Variants in LUC7L3 observed in about 807,000 individuals in gnomAD.
LUC7L3 encodes the protein luc7-like protein 3.
In LUC7L3, 6 loss-of-function variants were observed where a neutral mutation model predicts 66.8. That is an observed-to-expected ratio of 0.09 (90% CI 0.05 to 0.18). The LOEUF (loss-of-function observed/expected upper bound fraction) is 0.18, where lower values mean the gene tolerates loss of function less well. Among genes scored for constraint, LUC7L3 ranks in the 10% least tolerant of loss-of-function variants. The probability of loss-of-function intolerance (pLI) is 1.00; values close to 1 mark genes in which losing one functional copy is unlikely to be tolerated. For synonymous variants in LUC7L3, 160 were observed against 174.7 expected, an observed-to-expected ratio of 0.92 and a Z score of 0.66; for missense variants, 341 against 531.1, an observed-to-expected ratio of 0.64 and a Z score of 3.52.
intron 1 of LUC7L3, among the ~76,000 whole-genome samples, chr17:50,727,720 C>A (rs777442226): frequency 2.6e-5 from 4 of 152,142 alleles, no homozygotes; most frequent in Non-Finnish European, 5.9e-5. Flanking sequence ...GGAGAAAAAT[C>A]GGTGAATTTG....
In LUC7L3 at chr17:50,751,033, T is replaced by G; in HGVS notation, c.*372T>G. The G allele has an allele frequency of 6.9e-7, 1 of 1,442,188 alleles. No individual in the cohort carries two copies. Among genetic ancestry groups the G allele is most frequent in the Non-Finnish European group, 9.0e-7 (1 of 1,105,466 alleles). 89.3% of individuals were successfully genotyped at this position (1,442,188 alleles called of 1,614,324 possible). A position where few individuals can be genotyped will look rare whatever the true frequency, so the allele number is the denominator to read the frequency against. On this transcript the variant is annotated 3_prime_UTR_variant, in exon 10 of 10. Coordinates refer to ENST00000505658, the MANE Select transcript of LUC7L3 (RefSeq NM_016424.5). ...TAAAAAGGTTGAACTGTTTTTTTTT[T>G]TCTTTTTGGTATTAAGTCCATCTTG...
At chr17:50,726,952 T>C (rs1488041099) in intron 1 of LUC7L3, among the ~76,000 whole-genome samples, 1 of 151,894 alleles carries the variant, frequency 6.6e-6, no homozygotes, top group South Asian at 2.1e-4. Flanking sequence ...AGCCAGGCGT[T>C]GTGGCCGGTG....
At chr17:50,736,032 C>T (rs1761103077) in intron 1 of LUC7L3, among the ~76,000 whole-genome samples, 1 of 152,194 alleles carries the variant, frequency 6.6e-6, no homozygotes, top group African/African-American at 2.4e-5. Context: ...ACTTTGGAGA[C>T]TGAGGCAGAA....
chr17:50,749,266 A>C, intron 9 of LUC7L3: 2 of 1,289,274 alleles, frequency 1.6e-6, no homozygotes, highest in South Asian at 2.5e-5. Flanking sequence ...CTACGGGACA[A>C]CAAGACGACT....
chr17:50,720,129 CG>C (rs1230084114), intron 1 of LUC7L3, among the ~76,000 whole-genome samples: 2 of 152,188 alleles, frequency 1.3e-5, no homozygotes, highest in Non-Finnish European at 2.9e-5. Flanking sequence ...TTAAATCTAG[CG>C]GCTCCGAGGT....
chr17:50,730,347 C>T (rs1969505572), intron 1 of LUC7L3, among the ~76,000 whole-genome samples: 1 of 151,090 alleles, frequency 6.6e-6, no homozygotes, highest in Non-Finnish European at 1.5e-5. Context: ...ATGGTAAAAC[C>T]CCATCTCTAC....
In LUC7L3 at chr17:50,744,758, T is replaced by C. The variant is rs1970561561; in HGVS notation, c.638T>C (p.Met213Thr). 6.2e-7 allele frequency: 1 copy of C among 1,614,054 alleles called. No individual in the cohort carries two copies. The change falls in exon 7 of 10, where the codon ATG (methionine) becomes ACG (threonine). Residue 213 changes from methionine (M) to threonine (T), a missense_variant. This residue lies in a region of LUC7L3 where 17 missense variants were observed against 48.2 expected (regional missense o/e 0.35). Coordinates refer to ENST00000505658, the MANE Select transcript of LUC7L3 (RefSeq NM_016424.5). Reference protein sequence around the residue: ...DAQSRVDDHLMGKQHMGYAKI... With the variant: ...DAQSRVDDHLTGKQHMGYAKI... ...CAGTCCCGGGTAGATGACCATTTGA[T>C]GGGAAAACAACACATGGGCTATGCC... is the stretch of plus-strand genomic sequence containing the variant.
intron 9 of LUC7L3, chr17:50,749,392 C>G: frequency 8.0e-7 from 1 of 1,251,488 alleles, no homozygotes; most frequent in South Asian, 1.3e-5. Flanking sequence ...AGTGGACAGA[C>G]AGACATGAAG....
At chr17:50,725,835 G>A (rs1170473234) in intron 1 of LUC7L3, among the ~76,000 whole-genome samples, 1 of 152,064 alleles carries the variant, frequency 6.6e-6, no homozygotes, top group Non-Finnish European at 1.5e-5. Flanking sequence ...AAATACATAC[G>A]AATCATAAAA....
In LUC7L3 at chr17:50,753,766, G is replaced by C. The variant is rs1245405577; in HGVS notation, c.*3105G>C. Reference sequence around the variant, plus strand: ...TGTCCCTAAGTAATAAAAAATCTAGGAAGTTACTAAAATACCAGATTTGTT... The same window carrying C: ...TGTCCCTAAGTAATAAAAAATCTAGCAAGTTACTAAAATACCAGATTTGTT... On this transcript the variant is annotated 3_prime_UTR_variant, in exon 10 of 10. Coordinates refer to ENST00000505658, the MANE Select transcript of LUC7L3 (RefSeq NM_016424.5). 7 of 152,096 alleles carry C rather than the reference G, an allele frequency of 4.6e-5. No homozygotes were observed. The highest frequency in any genetic ancestry group is 1.4e-4 in the African/African-American group (6 of 41,412). The allele number at this position is 152,096 out of a possible 1,614,324, so 9.4% of individuals were successfully genotyped here.
chr17:50,742,520 G>A (rs774100010), intron 5 of LUC7L3, among the ~76,000 whole-genome samples: 19 of 152,128 alleles, frequency 1.2e-4, no homozygotes, highest in Non-Finnish European at 2.5e-4. Flanking sequence ...CACCATCCCC[G>A]GCTGATTGTT....
intron 1 of LUC7L3, among the ~76,000 whole-genome samples, chr17:50,736,418 C>A (rs1246673295): frequency 6.6e-6 from 1 of 152,112 alleles, no homozygotes; most frequent in Admixed American, 6.5e-5. Context: ...TGTAGCAAGT[C>A]CCCATCTTTC....
At chr17:50,732,197 A>C (rs1969650802) in intron 1 of LUC7L3, among the ~76,000 whole-genome samples, 1 of 152,198 alleles carries the variant, frequency 6.6e-6, no homozygotes, top group Non-Finnish European at 1.5e-5. Context: ...CATGTTCTTA[A>C]CACAAGGAAC....
chr17:50,728,377 G>A (rs1221214584), intron 1 of LUC7L3, among the ~76,000 whole-genome samples: 1 of 151,992 alleles, frequency 6.6e-6, no homozygotes, highest in African/African-American at 2.4e-5. Context: ...ATGTTATCAG[G>A]GACATAATTT....
chr17:50,739,664 AAAC>A (rs531274506), intron 2 of LUC7L3, among the ~76,000 whole-genome samples: 40 of 152,184 alleles, frequency 2.6e-4, no homozygotes, highest in Admixed American at 9.8e-4. Context: ...AAAAAAAACA[AAAC>A]AACAACAACA....
At chr17:50,739,026 G>T (rs1970173594) in intron 2 of LUC7L3, among the ~76,000 whole-genome samples, 2 of 152,144 alleles carry the variant, frequency 1.3e-5, no homozygotes, top group Admixed American at 6.5e-5. Flanking sequence ...GTGTCTGCCG[G>T]AGGGGGAAAA....
intron 4 of LUC7L3, 149 bp downstream of exon 4, chr17:50,741,395 C>A (rs1970338351): frequency 1.2e-6 from 1 of 818,838 alleles, no homozygotes; most frequent in Non-Finnish European, 1.8e-6. Context: ...TTTTTCCAGT[C>A]TTTATTAGCA....
At position 50,740,365 on chromosome 17, in the gene LUC7L3, A is replaced by G. The variant is rs752248434; in HGVS notation, c.206+20A>G. ...AAAACAGTAAGTTATTTTGCTTGTCATTTCCACCCCCCCAGTTATTAGTTG... is the reference window on the plus strand; with the variant it reads ...AAAACAGTAAGTTATTTTGCTTGTCGTTTCCACCCCCCCAGTTATTAGTTG... On this transcript the variant is annotated intron_variant, in intron 3 of 9. Coordinates refer to ENST00000505658, the MANE Select transcript of LUC7L3 (RefSeq NM_016424.5). The G allele has an allele frequency of 5.0e-6, 8 of 1,604,832 alleles. No homozygotes were observed. The highest frequency in any genetic ancestry group is 6.8e-6 in the Non-Finnish European group (8 of 1,175,764).
rs1007471271 is a variant in LUC7L3 at position 50,740,477 on chromosome 17, T to G, written c.206+132T>G. ...AAGTCCAGTCAGTGGCTGGGGATAGTAAGAAAGTTCTATAGCTTCAGTAAT... is the reference window on the plus strand; with the variant it reads ...AAGTCCAGTCAGTGGCTGGGGATAGGAAGAAAGTTCTATAGCTTCAGTAAT... On this transcript the variant is annotated intron_variant, in intron 3 of 9. Transcript: ENST00000505658. 24 of 792,002 alleles carry G rather than the reference T, an allele frequency of 3.0e-5. No homozygotes were observed. The African/African-American group carries it at 4.3e-4, about 14-fold the overall frequency. 49.1% of individuals were successfully genotyped at this position (792,002 alleles called of 1,614,324 possible). A position where few individuals can be genotyped will look rare whatever the true frequency, so the allele number is the denominator to read the frequency against.
Sources: allele counts gnomAD v4.1 joint callset (sites outside exome capture counted in the v4.1 genomes callset), GRCh38; gene constraint gnomAD v4.1.1; regional missense constraint gnomAD v4.1.1; transcripts MANE v1.5; gene names NCBI Gene and HGNC (gene_info 2026-07-23, HGNC 2026-07-21).